LSM12: variants seen among roughly 807,000 people sequenced by gnomAD.
LSM12 encodes the protein protein LSM12.
For synonymous variants in LSM12, 74 were observed against 87.3 expected (o/e 0.85, Z 0.85); for missense variants, 108 against 238.9 (o/e 0.45, Z 3.61).
intron 4 of LSM12, 119 bp downstream of exon 4, chr17:44,037,293 A>T: frequency 8.0e-7 from 1 of 1,243,722 alleles, no homozygotes. Flanking sequence ...GAGGCCAGAC[A>T]GGGCCTCTGC....
Position 44,036,411 on chromosome 17 carries a change from G to A in LSM12, c.496-111C>T, listed in dbSNP as rs1338197320. ...CATCCTGGCTGTCCAGCCCATTGGT[G>A]TCCAGGCACCTTTGCCCTTGCTGTC... On this transcript the variant is annotated intron_variant, in intron 4 of 4. Transcript: ENST00000293406. The A allele has an allele frequency of 3.6e-6, 5 of 1,403,702 alleles. No individual in the cohort carries two copies. In the African/African-American group the frequency reaches 4.2e-5, roughly 12 times the overall value. 87.0% of individuals were successfully genotyped at this position (1,403,702 alleles called of 1,614,324 possible).
intron 2 of LSM12, among the ~76,000 whole-genome samples, chr17:44,062,470 T>G (rs961578041): frequency 6.6e-6 from 1 of 152,156 alleles, no homozygotes; most frequent in Non-Finnish European, 1.5e-5. Context: ...TGATGGGTGG[T>G]AAGGCTCCAG....
At chr17:44,038,859 T>TA (rs2049449816) in intron 3 of LSM12, among the ~76,000 whole-genome samples, 1 of 151,972 alleles carries the variant, frequency 6.6e-6, no homozygotes, top group Non-Finnish European at 1.5e-5. Context: ...CACATACCTG[T>TA]AAATGTTCAG....
At chr17:44,039,077 C>A (rs554138065) in intron 3 of LSM12, among the ~76,000 whole-genome samples, 1 of 151,930 alleles carries the variant, frequency 6.6e-6, no homozygotes, top group Non-Finnish European at 1.5e-5. Context: ...TTTTTTGAGA[C>A]GGAGTTTTGC....
At chr17:44,063,991 C>T (rs2049834561) in intron 1 of LSM12, 57 bp from the exon 2 acceptor site, 2 of 1,581,634 alleles carry the variant, frequency 1.3e-6, no homozygotes, top group Non-Finnish European at 1.7e-6. Flanking sequence ...ACTGACACAT[C>T]CCAAAAGGGG....
At chr17:44,045,303 A>T (rs902226035) in intron 2 of LSM12, among the ~76,000 whole-genome samples, 2 of 152,062 alleles carry the variant, frequency 1.3e-5, no homozygotes, top group African/African-American at 4.8e-5. Flanking sequence ...TGGGATTACA[A>T]GCGTAAGCCA....
chr17:44,058,060 C>T (rs2049742492), intron 2 of LSM12, among the ~76,000 whole-genome samples: 1 of 151,622 alleles, frequency 6.6e-6, no homozygotes, highest in Non-Finnish European at 1.5e-5. Flanking sequence ...CACGGGGAAA[C>T]CCTGTCTCTA....
intron 1 of LSM12, among the ~76,000 whole-genome samples, chr17:44,064,749 A>T (rs2144118577): frequency 6.6e-6 from 1 of 152,148 alleles, no homozygotes; most frequent in South Asian, 2.1e-4. Flanking sequence ...AAAAAAAAAA[A>T]AGTAATTCCT....
intron 2 of LSM12, among the ~76,000 whole-genome samples, chr17:44,042,751 T>C (rs2049511713): frequency 6.6e-6 from 1 of 151,936 alleles, no homozygotes; most frequent in African/African-American, 2.4e-5. Context: ...AGTTTTTTAG[T>C]AGAGATGGGG....
intron 2 of LSM12, among the ~76,000 whole-genome samples, chr17:44,046,383 T>C (rs1487937727): frequency 6.6e-6 from 1 of 152,114 alleles, no homozygotes; most frequent in Non-Finnish European, 1.5e-5. Flanking sequence ...TTTAAAGTAA[T>C]TGTTTTCCTG....
intron 3 of LSM12, among the ~76,000 whole-genome samples, chr17:44,039,603 G>T (rs1394690599): frequency 6.9e-6 from 1 of 145,456 alleles, no homozygotes; most frequent in African/African-American, 2.6e-5. Flanking sequence ...GGATGGTCTC[G>T]ATCTCCTGAC....
At chr17:44,066,332 G>A in intron 1 of LSM12, 132 bp downstream of exon 1, 3 of 1,219,822 alleles carry the variant, frequency 2.5e-6, no homozygotes, top group Non-Finnish European at 2.2e-6. Flanking sequence ...CCGTGCGCAT[G>A]CGCCCCGGGC....
chr17:44,053,148 T>G (rs1008105250), intron 2 of LSM12, among the ~76,000 whole-genome samples: 2 of 152,168 alleles, frequency 1.3e-5, no homozygotes, highest in East Asian at 1.9e-4. Flanking sequence ...ACATCTGAAG[T>G]GTCTTCCCTA....
intron 2 of LSM12, among the ~76,000 whole-genome samples, chr17:44,047,815 T>A (rs1013908581): frequency 4.6e-5 from 7 of 151,458 alleles, no homozygotes; most frequent in African/African-American, 1.5e-4. Flanking sequence ...ACTCCTGATC[T>A]CAAATCATCC....
At chr17:44,037,129 TGAGA>T in intron 4 of LSM12, 1 of 276,716 alleles carries the variant, frequency 3.6e-6, no homozygotes. Flanking sequence ...CAATATGGGA[TGAGA>T]GAAACTGCTC....
intron 2 of LSM12, among the ~76,000 whole-genome samples, chr17:44,046,512 C>T (rs1465053385): frequency 6.6e-6 from 1 of 150,770 alleles, no homozygotes; most frequent in Admixed American, 6.6e-5. Flanking sequence ...TCGAGACCAT[C>T]CTGGCTAACA....
At chr17:44,066,386 C>A in intron 1 of LSM12, 78 bp downstream of exon 1, 1 of 1,485,658 alleles carries the variant, frequency 6.7e-7, no homozygotes, top group East Asian at 2.9e-5. Context: ...GAGCCCCAGC[C>A]GCCGCCGTCG....
chr17:44,060,526 G>A (rs779192886), intron 2 of LSM12, among the ~76,000 whole-genome samples: 1 of 152,162 alleles, frequency 6.6e-6, no homozygotes, highest in Non-Finnish European at 1.5e-5. Flanking sequence ...GCAAACGGAA[G>A]AATGAATAAA....
chr17:44,037,835 A>G (rs1217496533), intron 3 of LSM12, among the ~76,000 whole-genome samples: 2 of 152,234 alleles, frequency 1.3e-5, no homozygotes, highest in Non-Finnish European at 2.9e-5. Flanking sequence ...ATCCAAATTA[A>G]GATAGCAGCC....
Sources: allele counts gnomAD v4.1 joint callset (sites outside exome capture counted in the v4.1 genomes callset), GRCh38; gene constraint gnomAD v4.1.1; transcripts MANE v1.5; gene names NCBI Gene and HGNC (gene_info 2026-07-23, HGNC 2026-07-21).